ZNRF2: variants seen among roughly 807,000 people sequenced by gnomAD.
ZNRF2 encodes zinc and ring finger 2.
ZNRF2 carries 16 observed loss-of-function variants against 20.4 expected under a neutral mutation model. That is an observed-to-expected ratio of 0.79 (90% CI 0.53 to 1.19). The LOEUF (loss-of-function observed/expected upper bound fraction) is 1.19, where lower values mean the gene tolerates loss of function less well. ZNRF2 is among the 50% of genes most tolerant of loss of function. The probability of loss-of-function intolerance (pLI) is 0.00; values close to 1 mark genes in which losing one functional copy is unlikely to be tolerated. For synonymous variants in ZNRF2, 178 were observed against 144.9 expected, an observed-to-expected ratio of 1.23 and a Z score of -1.64; for missense variants, 363 against 332.4, an observed-to-expected ratio of 1.09 and a Z score of -0.72.
intron 2 of ZNRF2, among the ~76,000 whole-genome samples, chr7:30,352,200 A>G (rs1799970230): frequency 6.6e-6 from 1 of 152,042 alleles, no homozygotes; most frequent in African/African-American, 2.4e-5. Flanking sequence ...GTTCGTGAGA[A>G]TGGAAATTCA....
chr7:30,287,287 G>A (rs1010871155), intron 1 of ZNRF2, among the ~76,000 whole-genome samples: 1 of 152,214 alleles, frequency 6.6e-6, no homozygotes, highest in African/African-American at 2.4e-5. Flanking sequence ...GGTGATTAGT[G>A]CGAGAATGAA....
chr7:30,299,777 T>C, intron 1 of ZNRF2, among the ~76,000 whole-genome samples: 1 of 121,950 alleles, frequency 8.2e-6, no homozygotes, highest in East Asian at 2.1e-4. Context: ...TAAAACCTGC[T>C]TTTTTTTTTT....
At chr7:30,310,976 G>C (rs1001327253) in intron 1 of ZNRF2, among the ~76,000 whole-genome samples, 1 of 152,140 alleles carries the variant, frequency 6.6e-6, no homozygotes, top group Non-Finnish European at 1.5e-5. Context: ...TTGTTAGTGG[G>C]AGGATGCTAA....
intron 2 of ZNRF2, among the ~76,000 whole-genome samples, chr7:30,341,678 A>T (rs902433649): frequency 1.3e-5 from 2 of 152,166 alleles, no homozygotes; most frequent in Admixed American, 1.3e-4. Context: ...ATGTGGTGCT[A>T]AGAAGAATAT....
intron 2 of ZNRF2, among the ~76,000 whole-genome samples, chr7:30,345,541 T>C (rs1236179659): frequency 1.3e-5 from 2 of 152,100 alleles, no homozygotes; most frequent in Non-Finnish European, 2.9e-5. Flanking sequence ...TTCTCTTTTT[T>C]TTTTAAATTA....
intron 2 of ZNRF2, among the ~76,000 whole-genome samples, chr7:30,341,176 A>C (rs1341773795): frequency 3.3e-5 from 5 of 152,168 alleles, no homozygotes; most frequent in Non-Finnish European, 5.9e-5. Context: ...TCTTTTCAAA[A>C]TAACAGCTCT....
Position 30,285,444 on chromosome 7 carries a change from A to T in ZNRF2, c.87A>T (p.Gly29=). 8.5e-7 allele frequency: 1 copy of T among 1,182,186 alleles called. No homozygotes were observed. The allele number at this position is 1,182,186 out of a possible 1,614,324, so 73.2% of individuals were successfully genotyped here. A position where few individuals can be genotyped will look rare whatever the true frequency, so the allele number is the denominator to read the frequency against. ...CGGATCTACCTTCCAGTAGCAGCGGAGGCGCCAATGGGACCGCGGGCGGCG... is the reference window on the plus strand; with the variant it reads ...CGGATCTACCTTCCAGTAGCAGCGGTGGCGCCAATGGGACCGCGGGCGGCG... ...SGSDLPSSSS[G]GANGTAGGGG... Residue 29 remains glycine (G), a synonymous_variant, in exon 1 of 5, where the codon GGA becomes GGT. Transcript: ENST00000323037.
At chr7:30,285,889 G>A (rs1273749089) in intron 1 of ZNRF2, 63 bp downstream of exon 1, 99 of 1,371,226 alleles carry the variant, frequency 7.2e-5, no homozygotes, top group Non-Finnish European at 8.9e-5. Context: ...GGCCGTGGCC[G>A]CCGGCTATTT....
chr7:30,334,534 CT>C (rs1799688046), intron 2 of ZNRF2, among the ~76,000 whole-genome samples: 2 of 152,146 alleles, frequency 1.3e-5, no homozygotes, highest in Non-Finnish European at 2.9e-5. Flanking sequence ...AATGACAGTA[CT>C]TTGATAGAAT....
chr7:30,328,930 A>G (rs1799593385), intron 2 of ZNRF2, among the ~76,000 whole-genome samples: 1 of 152,200 alleles, frequency 6.6e-6, no homozygotes, highest in Non-Finnish European at 1.5e-5. Context: ...ATTCAACAAC[A>G]TAGATTACCT....
intron 2 of ZNRF2, among the ~76,000 whole-genome samples, chr7:30,355,339 A>G (rs868516117): frequency 2.6e-5 from 4 of 152,176 alleles, no homozygotes; most frequent in Middle Eastern, 3.4e-3. Context: ...TTTTATTTTC[A>G]TGTCTTTTTA....
chr7:30,365,198 A>AT (rs991185899), intron 4 of ZNRF2, among the ~76,000 whole-genome samples: 86 of 128,466 alleles, frequency 6.7e-4, no homozygotes, highest in African/African-American at 2.0e-3. Flanking sequence ...TATTGTATAA[A>AT]TTTTTTTTCT....
chr7:30,301,393 G>GA (rs1799111420), intron 1 of ZNRF2, among the ~76,000 whole-genome samples: 1 of 152,098 alleles, frequency 6.6e-6, no homozygotes, highest in Non-Finnish European at 1.5e-5. Context: ...TGAGGCAGGA[G>GA]AATCGCTTAA....
chr7:30,320,846 A>G (rs1304537082), intron 1 of ZNRF2, among the ~76,000 whole-genome samples: 2 of 152,192 alleles, frequency 1.3e-5, no homozygotes, highest in Non-Finnish European at 2.9e-5. Flanking sequence ...GTGTTTAACC[A>G]TGATACATTT....
chr7:30,321,045 C>T (rs188728457), intron 1 of ZNRF2, among the ~76,000 whole-genome samples: 41 of 152,182 alleles, frequency 2.7e-4, no homozygotes, highest in African/African-American at 5.1e-4. Flanking sequence ...TTTTTCAGTT[C>T]GGAGATCTTT....
At chr7:30,335,409 A>G (rs1241055437) in intron 2 of ZNRF2, among the ~76,000 whole-genome samples, 1 of 152,158 alleles carries the variant, frequency 6.6e-6, no homozygotes, top group Non-Finnish European at 1.5e-5. Flanking sequence ...ATTTTCGTTA[A>G]GATGTGGTAT....
At chr7:30,299,236 G>A (rs1435659281) in intron 1 of ZNRF2, among the ~76,000 whole-genome samples, 2 of 151,904 alleles carry the variant, frequency 1.3e-5, no homozygotes, top group Non-Finnish European at 2.9e-5. Flanking sequence ...GAGACCAGCC[G>A]GACTAACATG....
At chr7:30,291,828 T>A (rs371580933) in intron 1 of ZNRF2, among the ~76,000 whole-genome samples, 39 of 152,220 alleles carry the variant, frequency 2.6e-4, no homozygotes, top group East Asian at 9.7e-4. Context: ...TGAATATAGA[T>A]TGACGAAGGA....
chr7:30,357,566 A>G (rs1294529542), intron 3 of ZNRF2, among the ~76,000 whole-genome samples: 1 of 152,208 alleles, frequency 6.6e-6, no homozygotes, highest in Non-Finnish European at 1.5e-5. Context: ...GAATAAACAC[A>G]AAGAAAATAG....
Sources: allele counts gnomAD v4.1 joint callset (sites outside exome capture counted in the v4.1 genomes callset), GRCh38; gene constraint gnomAD v4.1.1; transcripts MANE v1.5; gene names NCBI Gene and HGNC (gene_info 2026-07-23, HGNC 2026-07-21).